TMTC1: variants seen among roughly 807,000 people sequenced by gnomAD.
The protein encoded by TMTC1 is transmembrane O-mannosyltransferase targeting cadherins 1.
Under a neutral mutation model 104.8 loss-of-function variants are expected in TMTC1, and 73 were observed. The ratio of observed to expected loss-of-function variants is 0.70; its 90% confidence interval spans 0.58 to 0.85. TMTC1 has a LOEUF of 0.85. TMTC1 is among the 40% of genes least tolerant of loss of function. The pLI is 0.00. For missense variants in TMTC1, 1,035 were observed against 1,096.1 expected, an observed-to-expected ratio of 0.94 and a Z score of 0.79; for synonymous variants, 434 against 428.7, an observed-to-expected ratio of 1.01 and a Z score of -0.15.
chr12:29,715,953 A>G (rs1942063713), intron 5 of TMTC1, among the ~76,000 whole-genome samples: 1 of 151,418 alleles, frequency 6.6e-6, no homozygotes, highest in Non-Finnish European at 1.5e-5. Context: ...CTATAATTCA[A>G]GATGAGATTT....
At chr12:29,601,110 G>C (rs1044329605) in intron 7 of TMTC1, among the ~76,000 whole-genome samples, 1 of 152,078 alleles carries the variant, frequency 6.6e-6, no homozygotes, top group Non-Finnish European at 1.5e-5. Context: ...TATTCCTAGA[G>C]GAAAAAGGGC....
At chr12:29,753,161 C>T (rs1344925959) in intron 4 of TMTC1, among the ~76,000 whole-genome samples, 1 of 152,172 alleles carries the variant, frequency 6.6e-6, no homozygotes, top group East Asian at 1.9e-4. Context: ...TCTCAAGAAC[C>T]ACCTAGTGCT....
chr12:29,601,843 T>G (rs968526853), intron 7 of TMTC1, among the ~76,000 whole-genome samples: 182 of 151,432 alleles, frequency 1.2e-3, no homozygotes, highest in African/African-American at 4.3e-3. Context: ...CATCTCTTTT[T>G]TTTTTTTTTT....
Position 29,768,031 on chromosome 12 carries a change from G to A in TMTC1, c.347C>T (p.Ala116Val). 2 of 1,613,526 alleles carry A rather than the reference G, an allele frequency of 1.2e-6. No individual in the cohort carries two copies. Among genetic ancestry groups the A allele is most frequent in the Non-Finnish European group, 1.7e-6 (2 of 1,179,742 alleles). Residue 116 changes from alanine (A) to valine (V), a missense_variant, in exon 2 of 18, where the codon GCA (alanine) becomes GTA (valine). Transcript: ENST00000539277. ...TAAGCAGTGTAAAATTATATTTACT[G>A]CATGAAAGTAGAATGGGTTCATACC... ...LTGMNPFYFHAVNIILHCLVT... is the reference protein window; with the variant it reads ...LTGMNPFYFHVVNIILHCLVT...
chr12:29,706,096 T>G (rs1941734868), intron 5 of TMTC1, among the ~76,000 whole-genome samples: 1 of 152,214 alleles, frequency 6.6e-6, no homozygotes, highest in South Asian at 2.1e-4. Context: ...TACTAGGGGT[T>G]GGTGTGTATG....
At chr12:29,668,914 G>A (rs932031032) in intron 5 of TMTC1, among the ~76,000 whole-genome samples, 2 of 152,314 alleles carry the variant, frequency 1.3e-5, no homozygotes, top group South Asian at 2.1e-4. Context: ...AAAAGTTAAC[G>A]CATGTAGTGA....
intron 5 of TMTC1, among the ~76,000 whole-genome samples, chr12:29,666,709 T>C (rs1266386738): frequency 6.6e-6 from 1 of 152,176 alleles, no homozygotes; most frequent in Admixed American, 6.5e-5. Context: ...AATGAAGATA[T>C]GAAATTAGTC....
At chr12:29,760,953 T>C (rs1221150056) in intron 2 of TMTC1, among the ~76,000 whole-genome samples, 7 of 147,740 alleles carry the variant, frequency 4.7e-5, no homozygotes, top group Admixed American at 3.4e-4. Context: ...TGCATATATA[T>C]ACTATATATC....
intron 7 of TMTC1, among the ~76,000 whole-genome samples, chr12:29,590,268 T>C (rs1202817510): frequency 1.3e-5 from 2 of 152,038 alleles, no homozygotes; most frequent in Non-Finnish European, 2.9e-5. Context: ...TGCAATCACA[T>C]CCTATTCCGC....
At chr12:29,584,918 A>G (rs1946087325) in intron 7 of TMTC1, among the ~76,000 whole-genome samples, 2 of 150,812 alleles carry the variant, frequency 1.3e-5, no homozygotes, top group Non-Finnish European at 2.9e-5. Context: ...ATGTGTCTTT[A>G]TAGCAGCATG....
At chr12:29,620,959 G>T (rs1228062691) in intron 6 of TMTC1, among the ~76,000 whole-genome samples, 1 of 152,196 alleles carries the variant, frequency 6.6e-6, no homozygotes, top group Non-Finnish European at 1.5e-5. Flanking sequence ...GGCATCATCA[G>T]GGTCCATCTA....
Position 29,544,402 on chromosome 12 carries a change from T to C in TMTC1, c.1677-8085A>G, listed in dbSNP as rs560518253. On this transcript the variant is annotated intron_variant, in intron 10 of 17. Transcript: ENST00000539277. Reference sequence around the variant, plus strand: ...ACCTGGAAACTGAGAAATGGTAAGATGGAGTCACAGGGCAGCAGAAATGGA... The same window carrying C: ...ACCTGGAAACTGAGAAATGGTAAGACGGAGTCACAGGGCAGCAGAAATGGA... Among the ~76,000 whole-genome samples the C allele has an allele frequency of 3.3e-5, 5 of 151,474 alleles. 1 individual carries two copies. The highest frequency in any genetic ancestry group is 1.2e-4 in the African/African-American group (5 of 41,184).
At chr12:29,548,234 A>G (rs115960264) in intron 10 of TMTC1, among the ~76,000 whole-genome samples, 2,281 of 152,330 alleles carry the variant, frequency 0.015, 60 homozygotes, top group African/African-American at 0.052. Context: ...TGGATTCTAC[A>G]TTAATGACCA....
chr12:29,580,865 C>T (rs1483764550), intron 8 of TMTC1, among the ~76,000 whole-genome samples: 3 of 152,248 alleles, frequency 2.0e-5, no homozygotes, highest in Non-Finnish European at 4.4e-5. Context: ...CATGTGTCTG[C>T]TTCCCATGCA....
intron 5 of TMTC1, among the ~76,000 whole-genome samples, chr12:29,698,708 C>A (rs1420246804): frequency 6.6e-6 from 1 of 152,208 alleles, no homozygotes; most frequent in Non-Finnish European, 1.5e-5. Flanking sequence ...AGATATTAAT[C>A]ATGACTATAT....
At chr12:29,606,927 T>C (rs1464824672) in intron 6 of TMTC1, among the ~76,000 whole-genome samples, 2 of 151,968 alleles carry the variant, frequency 1.3e-5, no homozygotes, top group Non-Finnish European at 2.9e-5. Flanking sequence ...GGGAGGTGCC[T>C]TCATCTCAGT....
chr12:29,719,610 G>C (rs1020827045), intron 5 of TMTC1, among the ~76,000 whole-genome samples: 1 of 152,210 alleles, frequency 6.6e-6, no homozygotes, highest in Admixed American at 6.5e-5. Flanking sequence ...TATGCAGTGA[G>C]ACAGGATGTC....
intron 10 of TMTC1, among the ~76,000 whole-genome samples, chr12:29,546,663 G>A (rs539691103): frequency 6.6e-6 from 1 of 152,316 alleles, no homozygotes; most frequent in South Asian, 2.1e-4. Context: ...TAGAAAAAAT[G>A]TTCAGGCACT....
rs946667491 is a variant in TMTC1 at position 29,601,344 on chromosome 12, G to T, written c.1250+2834C>A. On this transcript the variant is annotated intron_variant, in intron 7 of 17. Coordinates refer to ENST00000539277, the MANE Select transcript of TMTC1 (RefSeq NM_001193451.2). ...TCTTTCAGAAGAATCAAATTTAAATGTCTAGTTAAAAATTCCAGCCCTTCA... is the reference window on the plus strand; with the variant it reads ...TCTTTCAGAAGAATCAAATTTAAATTTCTAGTTAAAAATTCCAGCCCTTCA... Among the ~76,000 whole-genome samples the T allele has an allele frequency of 2.0e-5, 3 of 152,142 alleles. No individual in the cohort carries two copies. In the East Asian group the frequency reaches 5.8e-4, roughly 29 times the overall value.
Sources: gnomAD v4.1 joint callset for allele counts (sites outside exome capture counted in the v4.1 genomes callset) on GRCh38, gnomAD v4.1.1 for gene constraint, MANE v1.5 for transcripts, NCBI Gene and HGNC (gene_info 2026-07-23, HGNC 2026-07-21) for gene names.